The following NALF1 variants were observed in gnomAD, a reference collection of about 807,000 sequenced individuals.
The protein encoded by NALF1 is NALCN channel auxiliary factor 1.
A neutral mutation model predicts 48.4 loss-of-function variants in NALF1; 3 were observed. The observed-to-expected ratio is 0.06, with a 90% CI of 0.03 to 0.16. NALF1 has a LOEUF of 0.16. Among genes scored for constraint, NALF1 ranks in the 10% least tolerant of loss-of-function variants. NALF1 has a pLI of 1.00. For missense variants in NALF1, 526 were observed against 571.5 expected, an observed-to-expected ratio of 0.92 and a Z score of 0.81; for synonymous variants, 262 against 245.7, an observed-to-expected ratio of 1.07 and a Z score of -0.62.
At chr13:107,323,178 C>CT (rs1405696763) in intron 1 of NALF1, among the ~76,000 whole-genome samples, 1 of 152,114 alleles carries the variant, frequency 6.6e-6, no homozygotes, top group Non-Finnish European at 1.5e-5. Context: ...ATTCAAGTCT[C>CT]TATCTCCACA....
At chr13:107,285,405 C>A (rs971409677) in intron 1 of NALF1, among the ~76,000 whole-genome samples, 2 of 152,204 alleles carry the variant, frequency 1.3e-5, no homozygotes, top group Admixed American at 1.3e-4. Flanking sequence ...TAGGTACTGC[C>A]ACCTCTAAGC....
chr13:107,318,865 T>G (rs1347406901), intron 1 of NALF1, among the ~76,000 whole-genome samples: 2 of 152,126 alleles, frequency 1.3e-5, no homozygotes, highest in Non-Finnish European at 2.9e-5. Flanking sequence ...TCAATTGACA[T>G]GGTCCACCTA....
At chr13:107,429,568 T>C (rs1347064311) in intron 1 of NALF1, among the ~76,000 whole-genome samples, 3 of 152,120 alleles carry the variant, frequency 2.0e-5, no homozygotes, top group Non-Finnish European at 4.4e-5. Context: ...TAGTGTTTGA[T>C]AAACTAACTA....
chr13:107,302,740 A>C (rs986193801), intron 1 of NALF1, among the ~76,000 whole-genome samples: 1 of 152,264 alleles, frequency 6.6e-6, no homozygotes, highest in Non-Finnish European at 1.5e-5. Flanking sequence ...TCCTCCCCAG[A>C]CTAATGTGCC....
intron 1 of NALF1, among the ~76,000 whole-genome samples, chr13:107,347,122 T>C (rs1041373838): frequency 3.3e-5 from 5 of 152,250 alleles, no homozygotes; most frequent in Non-Finnish European, 7.3e-5. Context: ...TATTTTTTAA[T>C]GGAGCAAGGT....
intron 1 of NALF1, among the ~76,000 whole-genome samples, chr13:107,427,376 C>A (rs749109102): frequency 4.6e-5 from 7 of 151,902 alleles, no homozygotes; most frequent in Non-Finnish European, 1.0e-4. Context: ...AACAGAACTT[C>A]AATTTTTTAA....
intron 1 of NALF1, among the ~76,000 whole-genome samples, chr13:107,838,168 C>T (rs958329083): frequency 2.6e-5 from 4 of 151,984 alleles, no homozygotes; most frequent in African/African-American, 9.7e-5. Context: ...GGCATTATAC[C>T]ATAGGCCCTC....
At chr13:107,570,377 T>C (rs1228439550) in intron 1 of NALF1, among the ~76,000 whole-genome samples, 1 of 151,746 alleles carries the variant, frequency 6.6e-6, no homozygotes, top group Non-Finnish European at 1.5e-5. Flanking sequence ...ATTCCTAGTA[T>C]AATGACAATT....
intron 1 of NALF1, among the ~76,000 whole-genome samples, chr13:107,782,135 G>A (rs1877909053): frequency 6.6e-6 from 1 of 152,116 alleles, no homozygotes; most frequent in Non-Finnish European, 1.5e-5. Context: ...CGCCATCTCG[G>A]CTCACTGCAA....
chr13:107,706,760 C>A (rs1875377824), intron 1 of NALF1, among the ~76,000 whole-genome samples: 1 of 152,146 alleles, frequency 6.6e-6, no homozygotes, highest in African/African-American at 2.4e-5. Flanking sequence ...TGATTCAATT[C>A]TTCAACTGTA....
intron 1 of NALF1, among the ~76,000 whole-genome samples, chr13:107,500,057 A>G (rs1266187089): frequency 1.3e-5 from 2 of 152,184 alleles, no homozygotes; most frequent in Admixed American, 1.3e-4. Flanking sequence ...ATTATGTATA[A>G]GATTAGAAGT....
chr13:107,685,090 G>A (rs759825742), intron 1 of NALF1, among the ~76,000 whole-genome samples: 16 of 152,146 alleles, frequency 1.1e-4, no homozygotes, highest in South Asian at 2.1e-4. Context: ...CAAGGCAGGC[G>A]GATCAGGAGG....
chr13:107,290,393 A>G (rs1185078264), intron 1 of NALF1, among the ~76,000 whole-genome samples: 2 of 152,144 alleles, frequency 1.3e-5, no homozygotes, highest in African/African-American at 4.8e-5. Flanking sequence ...AGTTCACATA[A>G]TTACTATGTG....
chr13:107,438,236 CT>C (rs1272513872), intron 1 of NALF1, among the ~76,000 whole-genome samples: 2 of 152,074 alleles, frequency 1.3e-5, no homozygotes, highest in South Asian at 4.1e-4. Flanking sequence ...TGAGAAAGAA[CT>C]AAATCCCAAT....
intron 1 of NALF1, among the ~76,000 whole-genome samples, chr13:107,492,349 A>G (rs1875166859): frequency 6.6e-6 from 1 of 152,002 alleles, no homozygotes; most frequent in East Asian, 1.9e-4. Context: ...GTGCCCAGCC[A>G]CAAGCCTGTC....
chr13:107,484,400 T>C (rs1310971328), intron 1 of NALF1, among the ~76,000 whole-genome samples: 1 of 152,192 alleles, frequency 6.6e-6, no homozygotes, highest in Non-Finnish European at 1.5e-5. Context: ...CTGAAATTAT[T>C]CTTTCATATT....
intron 1 of NALF1, among the ~76,000 whole-genome samples, chr13:107,837,516 T>C (rs1879929576): frequency 6.6e-6 from 1 of 152,150 alleles, no homozygotes; most frequent in African/African-American, 2.4e-5. Flanking sequence ...ATCTACCTGT[T>C]ACATGGATTT....
At chr13:107,367,649 C>T (rs1323178192) in intron 1 of NALF1, among the ~76,000 whole-genome samples, 1 of 152,314 alleles carries the variant, frequency 6.6e-6, no homozygotes, top group East Asian at 1.9e-4. Flanking sequence ...ATTTCCCTGA[C>T]ACTTGCTGGA....
chr13:107,493,006 C>T (rs887092966), intron 1 of NALF1, among the ~76,000 whole-genome samples: 1 of 152,136 alleles, frequency 6.6e-6, no homozygotes, highest in African/African-American at 2.4e-5. Flanking sequence ...GAATTTTGTG[C>T]AACAGTGGAT....
Sources: gnomAD v4.1 joint callset for allele counts (sites outside exome capture counted in the v4.1 genomes callset) on GRCh38, gnomAD v4.1.1 for gene constraint, MANE v1.5 for transcripts, NCBI Gene and HGNC (gene_info 2026-07-23, HGNC 2026-07-21) for gene names.